PPT2: variants seen among roughly 807,000 people sequenced by gnomAD.
The protein encoded by PPT2 is lysosomal thioesterase PPT2.
PPT2 carries 20 observed loss-of-function variants against 37.3 expected under a neutral mutation model. That is an observed-to-expected ratio of 0.54 (90% CI 0.38 to 0.78). The LOEUF (loss-of-function observed/expected upper bound fraction) is 0.78. PPT2 is among the 30% of genes least tolerant of loss of function. The pLI is 0.00. For synonymous variants in PPT2, 135 were observed against 159.1 expected, an observed-to-expected ratio of 0.85 and a Z score of 1.14; for missense variants, 270 against 389.8, an observed-to-expected ratio of 0.69 and a Z score of 2.59.
chr6:32,153,728 G>A (rs569767999), upstream of PPT2: 2 of 1,459,830 alleles, frequency 1.4e-6, no homozygotes, highest in African/African-American at 2.8e-5. The surrounding 1 kb of genome is among the most constrained non-coding windows in gnomAD (Gnocchi z 4.4). Flanking sequence ...AGGCCACCCT[G>A]CCACTCACCC....
At position 32,154,511 on chromosome 6, in the gene PPT2, T is replaced by C. The variant is rs1783594173; in HGVS notation, c.-8-76T>C. Reference sequence around the variant, plus strand: ...TGGTGTGGGAGCGAGAGGAGGTGGCTTGATTGCCGGGCGTCTGTTCCGAGG... The same window carrying C: ...TGGTGTGGGAGCGAGAGGAGGTGGCCTGATTGCCGGGCGTCTGTTCCGAGG... On this transcript the variant is annotated intron_variant, in intron 1 of 8. Coordinates refer to ENST00000324816, the MANE Select transcript of PPT2 (RefSeq NM_005155.7). The surrounding 1 kb of genome is among the most constrained non-coding windows in gnomAD (Gnocchi z 7.3). The C allele has an allele frequency of 1.3e-6, 2 of 1,531,922 alleles. No individual in the cohort carries two copies. Among genetic ancestry groups the C allele is most frequent in the Non-Finnish European group, 8.8e-7 (1 of 1,136,864 alleles). The allele number at this position is 1,531,922 out of a possible 1,614,324, so 94.9% of individuals were successfully genotyped here. A position where few individuals can be genotyped will look rare whatever the true frequency, so the allele number is the denominator to read the frequency against.
rs184940782 is a variant in PPT2, at chr6:32,162,553, C to T, written c.711-15C>T. The stretch of plus-strand genomic sequence containing the variant: ...TCCAGCTCTTCTGATAACCTCCCCC[C>T]AAATCTCTTTGTAGCTTCTTTGGTT... On this transcript the variant is annotated splice_polypyrimidine_tract_variant and intron_variant, in intron 7 of 8. Transcript: ENST00000324816. The surrounding 1 kb of genome is among the most constrained non-coding windows in gnomAD (Gnocchi z 5.5). The T allele has an allele frequency of 1.2e-6, 2 of 1,604,350 alleles. No individual in the cohort carries two copies. Among genetic ancestry groups the T allele is most frequent in the South Asian group, 1.1e-5 (1 of 90,864 alleles).
In PPT2 at chr6:32,157,928, A is replaced by G. The variant is rs1200056763; in HGVS notation, c.710+4A>G. On this transcript the variant is annotated splice_donor_region_variant and intron_variant, in intron 7 of 8. Coordinates refer to ENST00000324816, the MANE Select transcript of PPT2 (RefSeq NM_005155.7). The stretch of plus-strand genomic sequence containing the variant: ...TTATTACTCCCTGGCAGTCCAGGTA[A>G]TAAGGGATTTTGTGGCCTGAAGATT... The G allele has an allele frequency of 1.4e-5, 23 of 1,605,088 alleles. No individual in the cohort carries two copies. The highest frequency in any genetic ancestry group is 1.8e-5 in the Non-Finnish European group (21 of 1,173,430).
Position 32,154,290 on chromosome 6 carries a change from G to T in PPT2, c.-123G>T. The T allele has an allele frequency of 7.4e-7, 1 of 1,344,078 alleles. No individual in the cohort carries two copies. The highest frequency in any genetic ancestry group is 2.0e-5 in the South Asian group (1 of 49,244). 83.3% of individuals were successfully genotyped at this position (1,344,078 alleles called of 1,614,324 possible). A position where few individuals can be genotyped will look rare whatever the true frequency, so the allele number is the denominator to read the frequency against. ...CAAGGGGCCTGGGCTGCTGCTCACG[G>T]GTATTAAAGAACTCCGCGTTGTTCA... On this transcript the variant is annotated 5_prime_UTR_variant, in exon 1 of 9. Coordinates refer to ENST00000324816, the MANE Select transcript of PPT2 (RefSeq NM_005155.7). The surrounding 1 kb of genome is among the most constrained non-coding windows in gnomAD (Gnocchi z 7.3).
In PPT2 at chr6:32,155,475, C is replaced by T. The variant is rs1783705033; in HGVS notation, c.338-213C>T. On this transcript the variant is annotated intron_variant, in intron 3 of 8. Transcript: ENST00000324816. The surrounding 1 kb of genome is among the most constrained non-coding windows in gnomAD (Gnocchi z 4.3). ...GAACTAGAGGCAGGAGGCCCAGCATCTAATTCGGGCTCAGTCACTTATATG... is the reference window on the plus strand; with the variant it reads ...GAACTAGAGGCAGGAGGCCCAGCATTTAATTCGGGCTCAGTCACTTATATG... Among the ~76,000 whole-genome samples the T allele has an allele frequency of 6.6e-6, 1 of 152,174 alleles. No homozygotes were observed. The highest frequency in any genetic ancestry group is 2.4e-5 in the African/African-American group (1 of 41,428).
At chr6:32,157,350 T>G in intron 5 of PPT2, 1 of 481,522 alleles carries the variant, frequency 2.1e-6, no homozygotes, top group Non-Finnish European at 3.8e-6. Flanking sequence ...GTAACTGGGA[T>G]TACAGGCATG....
chr6:32,155,692 C>T lies in PPT2; in HGVS notation c.342C>T (p.Gly114=), dbSNP rs775578052. The T allele has an allele frequency of 1.1e-5, 17 of 1,613,250 alleles. No individual in the cohort carries two copies. Among genetic ancestry groups the T allele is most frequent in the Non-Finnish European group, 1.4e-5 (16 of 1,179,854 alleles). Residue 114 remains glycine, a synonymous_variant, in exon 4 of 9, where the codon GGC becomes GGT. Transcript: ENST00000324816. This position sits in a 1 kb window ranked among gnomAD's most constrained non-coding sequence, Gnocchi z 4.3. ...AATGTGGTGTTCTGCTTACAGGGGG[C>T]CTTGTGTGCCGGGCTCTGCTTTCTG... ...GVHLICYSQG[G]LVCRALLSVM...
intron 7 of PPT2, among the ~76,000 whole-genome samples, chr6:32,160,123 C>T (rs1784058349): frequency 6.6e-6 from 1 of 151,842 alleles, no homozygotes; most frequent in South Asian, 2.1e-4. Context: ...CGGCTCACTG[C>T]AAGCTCTGCC....
In PPT2 at chr6:32,155,257, C is replaced by A; in HGVS notation, c.337+74C>A. 1 of 1,538,450 alleles carries A rather than the reference C, an allele frequency of 6.5e-7. No individual in the cohort carries two copies. Among genetic ancestry groups the A allele is most frequent in the Non-Finnish European group, 8.9e-7 (1 of 1,120,838 alleles). On this transcript the variant is annotated intron_variant, in intron 3 of 8. Transcript: ENST00000324816. The surrounding 1 kb of genome is among the most constrained non-coding windows in gnomAD (Gnocchi z 4.3). ...TCCTTATCTGAGGGACACTTCCTAG[C>A]GTCCCTTTTTCTGAACCACATTGCT...
intron 7 of PPT2, among the ~76,000 whole-genome samples, chr6:32,158,676 G>A (rs1561818671): frequency 6.6e-6 from 1 of 152,196 alleles, no homozygotes; most frequent in Non-Finnish European, 1.5e-5. Context: ...GCAGGGGAAA[G>A]GATTAGAGGA....
rs2127387059 is a variant in PPT2 at position 32,155,087 on chromosome 6, C to T, written c.241C>T (p.Arg81Ter). Reference protein sequence around the residue: ...LDLFDGRESLRPLWEQVQGFR... With the variant: ...LDLFDGRESL ...TCTCTTCGATGGGAGAGAGAGCTTG[C>T]GACCCCTGTGGGAACAGGTGCAAGG... The change falls in exon 3 of 9, where the codon CGA becomes TGA. Residue 81 changes from arginine to a stop codon, truncating the protein, a stop_gained. Transcript: ENST00000324816. LOFTEE classifies it high-confidence loss of function. The surrounding 1 kb of genome is among the most constrained non-coding windows in gnomAD (Gnocchi z 4.3). 2 of 1,613,086 alleles carry T rather than the reference C, an allele frequency of 1.2e-6. No individual in the cohort carries two copies. Among genetic ancestry groups the T allele is most frequent in the Non-Finnish European group, 1.7e-6 (2 of 1,180,002 alleles).
chr6:32,162,653 G>C lies in PPT2; in HGVS notation c.765+31G>C. 1 of 1,587,126 alleles carries C rather than the reference G, an allele frequency of 6.3e-7. No individual in the cohort carries two copies. Reference sequence around the variant, plus strand: ...CCCCCTGGGATTACTTCCCCTTCTAGCCGCTGTCCCACCTTATTCCAGAGC... The same window carrying C: ...CCCCCTGGGATTACTTCCCCTTCTACCCGCTGTCCCACCTTATTCCAGAGC... On this transcript the variant is annotated intron_variant, in intron 8 of 8. Coordinates refer to ENST00000324816, the MANE Select transcript of PPT2 (RefSeq NM_005155.7). The surrounding 1 kb of genome is among the most constrained non-coding windows in gnomAD (Gnocchi z 5.5).
Position 32,154,291 on chromosome 6 carries a change from G to T in PPT2, c.-122G>T. The T allele has an allele frequency of 7.4e-7, 1 of 1,348,980 alleles. No individual in the cohort carries two copies. The highest frequency in any genetic ancestry group is 9.5e-7 in the Non-Finnish European group (1 of 1,053,614). The allele number at this position is 1,348,980 out of a possible 1,614,324, so 83.6% of individuals were successfully genotyped here. A position where few individuals can be genotyped will look rare whatever the true frequency, so the allele number is the denominator to read the frequency against. On this transcript the variant is annotated 5_prime_UTR_variant, in exon 1 of 9. Transcript: ENST00000324816. This position sits in a 1 kb window ranked among gnomAD's most constrained non-coding sequence, Gnocchi z 7.3. The stretch of plus-strand genomic sequence containing the variant: ...AAGGGGCCTGGGCTGCTGCTCACGG[G>T]TATTAAAGAACTCCGCGTTGTTCAT...
chr6:32,155,617 TGGTGGG>T lies in PPT2; in HGVS notation c.338-62_338-57del. 2.3e-6 allele frequency: 2 copies of T among 868,340 alleles called. No individual in the cohort carries two copies. The highest frequency in any genetic ancestry group is 3.7e-6 in the Non-Finnish European group (2 of 544,156). 53.8% of individuals were successfully genotyped at this position (868,340 alleles called of 1,614,324 possible). ...GTGTGTGTGTGTGTGTGTGTGTGTG[TGGTGGG>T]GGTGGGGGGTGCTGCTGGCTTTGCT... On this transcript the variant is annotated intron_variant, in intron 3 of 8. Coordinates refer to ENST00000324816, the MANE Select transcript of PPT2 (RefSeq NM_005155.7). This position sits in a 1 kb window ranked among gnomAD's most constrained non-coding sequence, Gnocchi z 4.3.
Position 32,156,030 on chromosome 6 carries a change from A to G in PPT2, c.541+52A>G. On this transcript the variant is annotated intron_variant, in intron 5 of 8. Coordinates refer to ENST00000324816, the MANE Select transcript of PPT2 (RefSeq NM_005155.7). This position sits in a 1 kb window ranked among gnomAD's most constrained non-coding sequence, Gnocchi z 4.9. The stretch of plus-strand genomic sequence containing the variant: ...TCCATGGATCAGGTCAGTTGCTTCC[A>G]CCTCTGCTACAACCAATAGCAGTGA... The G allele has an allele frequency of 7.6e-7, 1 of 1,322,526 alleles. No homozygotes were observed. Among genetic ancestry groups the G allele is most frequent in the Non-Finnish European group, 1.1e-6 (1 of 915,678 alleles). 81.9% of individuals were successfully genotyped at this position (1,322,526 alleles called of 1,614,324 possible).
chr6:32,155,957 T>C lies in PPT2; in HGVS notation c.520T>C (p.Ser174Pro). 1 of 1,613,552 alleles carries C rather than the reference T, an allele frequency of 6.2e-7. No homozygotes were observed. The highest frequency in any genetic ancestry group is 1.1e-5 in the South Asian group (1 of 91,062). Residue 174 changes from serine to proline, a missense_variant, in exon 5 of 9, where the codon TCC becomes CCC. Coordinates refer to ENST00000324816, the MANE Select transcript of PPT2 (RefSeq NM_005155.7). The surrounding 1 kb of genome is among the most constrained non-coding windows in gnomAD (Gnocchi z 4.3). ...ICYSPWGQEF[S>P]ICNYWHDPHH... ...CTATAGCCCCTGGGGCCAGGAATTC[T>C]CCATCTGCAACTACTGGCATGGTGA...
At position 32,155,068 on chromosome 6, in the gene PPT2, C is replaced by T; in HGVS notation, c.222C>T (p.Phe74=). ...PGTVVTVLDL[F]DGRESLRPLW... ...CTGTGGTGACAGTGCTCGATCTCTT[C>T]GATGGGAGAGAGAGCTTGCGACCCC... Residue 74 remains phenylalanine (F), a synonymous_variant, in exon 3 of 9, where the codon TTC becomes TTT. Transcript: ENST00000324816. This position sits in a 1 kb window ranked among gnomAD's most constrained non-coding sequence, Gnocchi z 4.3. 1 of 1,613,114 alleles carries T rather than the reference C, an allele frequency of 6.2e-7. No homozygotes were observed. The highest frequency in any genetic ancestry group is 8.5e-7 in the Non-Finnish European group (1 of 1,179,998).
At position 32,154,743 on chromosome 6, in the gene PPT2, A is replaced by G. The variant is rs534337753; in HGVS notation, c.149A>G (p.Tyr50Cys). 43 of 1,612,988 alleles carry G rather than the reference A, an allele frequency of 2.7e-5. No individual in the cohort carries two copies. The South Asian group carries it at 4.6e-4, about 17-fold the overall frequency. Reference protein sequence around the residue: ...IVVHGLFDSSYSFRHLLEYIN... With the variant: ...IVVHGLFDSSCSFRHLLEYIN... ...GTGCATGGGCTCTTCGACAGCTCGT[A>G]CAGCTTCCGCCACCTGCTGGAATAC... The change falls in exon 2 of 9, where the codon TAC becomes TGC. Residue 50 changes from tyrosine to cysteine, a missense_variant. By Grantham distance (194) the Tyr-to-Cys change is radical. Transcript: ENST00000324816. This position sits in a 1 kb window ranked among gnomAD's most constrained non-coding sequence, Gnocchi z 7.3.
chr6:32,158,037 T>TC, intron 7 of PPT2, 113 bp downstream of exon 7: 1 of 904,318 alleles, frequency 1.1e-6, no homozygotes, highest in Non-Finnish European at 1.7e-6. Flanking sequence ...TTAGTGCTCC[T>TC]CCCCCCATTC....
Sources: allele counts gnomAD v4.1 joint callset (sites outside exome capture counted in the v4.1 genomes callset), GRCh38; gene constraint gnomAD v4.1.1; non-coding constraint Gnocchi (gnomAD v3.1); transcripts MANE v1.5; gene names NCBI Gene and HGNC (gene_info 2026-07-23, HGNC 2026-07-21).